Variants in ERICH6B observed in about 807,000 individuals in gnomAD.
ERICH6B encodes the protein glutamate rich 6B.
ERICH6B carries 69 observed loss-of-function variants against 80.0 expected under a neutral mutation model. The ratio of observed to expected loss-of-function variants is 0.86; its 90% CI spans 0.71 to 1.05. ERICH6B has a LOEUF of 1.05. Among genes scored for constraint, ERICH6B ranks in the 50% least tolerant of loss-of-function variants. The probability of loss-of-function intolerance (pLI) is 0.00; values close to 1 mark genes in which losing one functional copy is unlikely to be tolerated. For missense variants in ERICH6B, 754 were observed against 796.1 expected (o/e 0.95, Z 0.64); for synonymous variants, 283 against 291.9 (o/e 0.97, Z 0.31).
chr13:45,555,941 C>T (rs1874418427), intron 11 of ERICH6B, among the ~76,000 whole-genome samples: 1 of 148,928 alleles, frequency 6.7e-6, no homozygotes, highest in African/African-American at 2.5e-5. Flanking sequence ...AGGCAAAGGC[C>T]TCAGGGCCTT....
At chr13:45,591,423 T>G (rs1450152305) in intron 3 of ERICH6B, among the ~76,000 whole-genome samples, 1 of 152,056 alleles carries the variant, frequency 6.6e-6, no homozygotes, top group African/African-American at 2.4e-5. Context: ...GGTGAAACGC[T>G]GTCTCTACTA....
At chr13:45,613,146 C>T (rs1057278500) in intron 1 of ERICH6B, among the ~76,000 whole-genome samples, 16 of 151,986 alleles carry the variant, frequency 1.1e-4, no homozygotes, top group African/African-American at 3.9e-4. Flanking sequence ...GTTCAAAGAG[C>T]GGGGTACCCT....
intron 9 of ERICH6B, among the ~76,000 whole-genome samples, chr13:45,565,688 A>G (rs1226101165): frequency 2.0e-5 from 3 of 152,216 alleles, no homozygotes; most frequent in Admixed American, 6.5e-5. Context: ...ACCTTCCACC[A>G]TGATTCTGAG....
chr13:45,571,138 G>A (rs74073905), intron 8 of ERICH6B, among the ~76,000 whole-genome samples: 1 of 152,170 alleles, frequency 6.6e-6, no homozygotes, highest in African/African-American at 2.4e-5. Flanking sequence ...ACAGCACCCT[G>A]AGCATTCAAT....
chr13:45,567,722 T>C (rs955507187), intron 9 of ERICH6B, among the ~76,000 whole-genome samples: 3 of 152,192 alleles, frequency 2.0e-5, no homozygotes, highest in Admixed American at 2.0e-4. Context: ...AGTGTACAAA[T>C]GGCTGGAACA....
At chr13:45,599,967 G>A (rs530849633) in intron 2 of ERICH6B, among the ~76,000 whole-genome samples, 1 of 152,308 alleles carries the variant, frequency 6.6e-6, no homozygotes, top group East Asian at 1.9e-4. Context: ...GTATATGAAT[G>A]TCTTTTCATG....
chr13:45,586,030 C>T (rs1373061474), intron 5 of ERICH6B, among the ~76,000 whole-genome samples: 3 of 152,104 alleles, frequency 2.0e-5, no homozygotes, highest in Non-Finnish European at 4.4e-5. Context: ...CTTTCAGAAT[C>T]CTTCTTATGA....
chr13:45,598,221 T>C (rs752914053), intron 2 of ERICH6B, among the ~76,000 whole-genome samples: 14 of 152,112 alleles, frequency 9.2e-5, no homozygotes, highest in Admixed American at 1.3e-4. Context: ...TTTTCTTCCA[T>C]TAGGTGTAAA....
chr13:45,550,337 T>C (rs900698840), intron 11 of ERICH6B, 21 bp from the exon 12 acceptor site: 2 of 1,543,650 alleles, frequency 1.3e-6, no homozygotes, highest in Admixed American at 3.9e-5. Flanking sequence ...AAGACAAGCC[T>C]ATGAAAAGTG....
chr13:45,575,604 G>C (rs1875367244), intron 7 of ERICH6B, among the ~76,000 whole-genome samples: 1 of 152,180 alleles, frequency 6.6e-6, no homozygotes, highest in Non-Finnish European at 1.5e-5. Flanking sequence ...CACCAGGCTT[G>C]TCAAAATTTG....
intron 11 of ERICH6B, among the ~76,000 whole-genome samples, chr13:45,555,910 A>G (rs1874416774): frequency 6.7e-6 from 1 of 149,928 alleles, no homozygotes; most frequent in Non-Finnish European, 1.5e-5. Flanking sequence ...TTTCTTTCCC[A>G]CTTGCCTATG....
rs1190154259 is a variant in ERICH6B at position 45,604,901 on chromosome 13, G to C, written c.-59+2663C>G. ...AGATCAGCCACTGTGCTGGTTTCGA[G>C]ACCCTGTCTCAAAAGAACAAAACAA... On this transcript the variant is annotated intron_variant, in intron 2 of 14. Coordinates refer to ENST00000298738, the MANE Select transcript of ERICH6B (RefSeq NM_182542.3). 2.6e-5 allele frequency among the ~76,000 whole-genome samples: 4 copies of C among 152,128 alleles called. No homozygotes were observed. The East Asian group carries it at 7.7e-4, about 29-fold the overall frequency.
intron 10 of ERICH6B, among the ~76,000 whole-genome samples, chr13:45,561,978 A>G (rs992389119): frequency 8.5e-5 from 13 of 152,252 alleles, no homozygotes; most frequent in Non-Finnish European, 4.4e-5. Context: ...GGAAGTGTAT[A>G]TTAACATGTC....
rs1193177761 is a variant in ERICH6B at position 45,541,660 on chromosome 13, C to T, written c.1893G>A (p.Leu631=). The change falls in exon 15 of 15, where the codon CTG becomes CTA. Residue 631 remains leucine, a synonymous_variant. Transcript: ENST00000298738. Reference sequence around the variant, plus strand: ...GGATGGTTTTCTTCTTCATTTCGCTCAGCACCTCTGGGATCACAAACTGTG... The same window carrying T: ...GGATGGTTTTCTTCTTCATTTCGCTTAGCACCTCTGGGATCACAAACTGTG... ...TRYKFVIPEV[L]SEMKKKTILE... The T allele has an allele frequency of 1.9e-6, 3 of 1,550,538 alleles. No homozygotes were observed. Among genetic ancestry groups the T allele is most frequent in the African/African-American group, 1.4e-5 (1 of 73,094 alleles).
chr13:45,562,215 T>C (rs1013338935), intron 10 of ERICH6B, among the ~76,000 whole-genome samples: 23 of 152,324 alleles, frequency 1.5e-4, no homozygotes, highest in African/African-American at 5.3e-4. Flanking sequence ...CACACCTGGC[T>C]AATGTAGAGA....
rs144829296 is a variant in ERICH6B at position 45,562,931 on chromosome 13, G to A, written c.1249+796C>T. ...GAATCAGGCAGAGACAAGGCTCAGC[G>A]AGAAAAAGTACCATGATTGATTAGT... On this transcript the variant is annotated intron_variant, in intron 10 of 14. Transcript: ENST00000298738. Among the ~76,000 whole-genome samples, 200 of 152,276 alleles carry A rather than the reference G, an allele frequency of 1.3e-3. 1 individual carries two copies. Among genetic ancestry groups the A allele is most frequent in the Middle Eastern group, 0.01 (3 of 294 alleles).
chr13:45,569,568 A>T (rs1236008387), intron 8 of ERICH6B, among the ~76,000 whole-genome samples: 1 of 152,232 alleles, frequency 6.6e-6, no homozygotes, highest in Non-Finnish European at 1.5e-5. Flanking sequence ...TTCTTAGGAC[A>T]GCCAGGGATC....
At chr13:45,567,766 C>T (rs1490509678) in intron 9 of ERICH6B, among the ~76,000 whole-genome samples, 1 of 152,218 alleles carries the variant, frequency 6.6e-6, no homozygotes, top group Admixed American at 6.5e-5. Context: ...GCTAGAAAGA[C>T]CTGATGCCAG....
rs374650968 is a variant in ERICH6B, at chr13:45,582,126, T to G, written c.857-1461A>C. On this transcript the variant is annotated intron_variant, in intron 5 of 14. Coordinates refer to ENST00000298738, the MANE Select transcript of ERICH6B (RefSeq NM_182542.3). ...TTAACATCCTCCTTTGCTTCAGCAG[T>G]TCTTTGTGTGACGTAGTCTCCAGGT... 1.2e-4 allele frequency among the ~76,000 whole-genome samples: 19 copies of G among 152,284 alleles called. No homozygotes were observed. In the East Asian group the frequency reaches 3.7e-3, roughly 29 times the overall value.
Sources: gnomAD v4.1 joint callset for allele counts (sites outside exome capture counted in the v4.1 genomes callset) on GRCh38, gnomAD v4.1.1 for gene constraint, MANE v1.5 for transcripts, NCBI Gene and HGNC (gene_info 2026-07-23, HGNC 2026-07-21) for gene names.